The following CKAP5 variants were observed in gnomAD, a reference collection of about 807,000 sequenced individuals.
CKAP5 encodes the protein cytoskeleton-associated protein 5.
Under a neutral mutation model 232.8 loss-of-function variants are expected in CKAP5, and 27 were observed. The ratio of observed to expected loss-of-function variants is 0.12; its 90% confidence interval spans 0.09 to 0.16. The LOEUF (loss-of-function observed/expected upper bound fraction) is 0.16. Ranked by LOEUF, CKAP5 falls within the 10% of genes least tolerant of loss-of-function variation. The pLI is 1.00. For synonymous variants in CKAP5, 785 were observed against 841.1 expected (o/e 0.93, Z 1.16); for missense variants, 1,838 against 2,424.7 (o/e 0.76, Z 5.08).
intron 16 of CKAP5, among the ~76,000 whole-genome samples, chr11:46,786,813 GCA>G (rs376803389): frequency 1.3e-5 from 2 of 152,110 alleles, no homozygotes; most frequent in South Asian, 4.2e-4. Flanking sequence ...GACCCAGCGC[GCA>G]CACACACACA....
chr11:46,820,996 A>C, intron 2 of CKAP5, 179 bp downstream of exon 2: 2 of 534,102 alleles, frequency 3.7e-6, no homozygotes, highest in Non-Finnish European at 6.6e-6. Context: ...TCCAGAGACA[A>C]AAAAATTTTT....
At position 46,824,076 on chromosome 11, in the gene CKAP5, A is replaced by G. The variant is rs374242022; in HGVS notation, c.-37-2808T>C. Among the ~76,000 whole-genome samples the G allele has an allele frequency of 1.3e-3, 197 of 152,330 alleles. 9 individuals are homozygous for G. The South Asian group carries it at 0.039, about 30-fold the overall frequency. On this transcript the variant is annotated intron_variant, in intron 1 of 43. Coordinates refer to ENST00000529230, the MANE Select transcript of CKAP5 (RefSeq NM_001008938.4). ...CATTTTACACACTAGCTTCACAAAT[A>G]TTAAGTAACCTGCCAAAACAACAAA... is the stretch of plus-strand genomic sequence containing the variant.
chr11:46,746,586 A>G (rs2065024005), intron 42 of CKAP5, among the ~76,000 whole-genome samples: 1 of 152,220 alleles, frequency 6.6e-6, no homozygotes, highest in Admixed American at 6.5e-5. Flanking sequence ...GTATTTATGT[A>G]TCTAAACATA....
chr11:46,771,016 C>T, intron 24 of CKAP5, 34 bp from the exon 25 acceptor site: 1 of 1,556,648 alleles, frequency 6.4e-7, no homozygotes, highest in African/African-American at 1.4e-5. Context: ...TTACACACTT[C>T]AAATGAAGAC....
At chr11:46,817,985 G>A (rs538228035) in intron 3 of CKAP5, among the ~76,000 whole-genome samples, 3 of 152,226 alleles carry the variant, frequency 2.0e-5, no homozygotes, top group Admixed American at 6.5e-5. Flanking sequence ...CAATCTCTCA[G>A]TTTCTTTTTG....
At chr11:46,834,516 T>A (rs1385957040) in intron 1 of CKAP5, among the ~76,000 whole-genome samples, 6 of 88,678 alleles carry the variant, frequency 6.8e-5, no homozygotes, top group Admixed American at 5.1e-4. Context: ...CAAAACTCCA[T>A]CTCAAAAAAA....
At chr11:46,761,678 T>A (rs2134590465) in intron 32 of CKAP5, among the ~76,000 whole-genome samples, 1 of 152,342 alleles carries the variant, frequency 6.6e-6, no homozygotes. Flanking sequence ...AAAAACTCGA[T>A]GCAGTAAAAA....
chr11:46,799,003 A>G (rs1938964595), intron 9 of CKAP5, among the ~76,000 whole-genome samples: 4 of 152,200 alleles, frequency 2.6e-5, no homozygotes. Flanking sequence ...CCACTATGGC[A>G]GTGCTTCTCA....
At chr11:46,754,370 T>G (rs1335108901) in intron 36 of CKAP5, among the ~76,000 whole-genome samples, 1 of 152,208 alleles carries the variant, frequency 6.6e-6, no homozygotes, top group Non-Finnish European at 1.5e-5. Flanking sequence ...TTGGTGTCAT[T>G]AAGTCCACCC....
Position 46,790,569 on chromosome 11 carries a change from T to C in CKAP5, c.1665A>G (p.Pro555=). The change falls in exon 14 of 44, where the codon CCA becomes CCG. Residue 555 remains proline, a synonymous_variant. Transcript: ENST00000529230. ...CTGGTGCAGCTGGTTTCCCCTTTTT[T>C]GGTGGCCCACCAGCCTAAAAACAAT... ...KAPAAKAGGP[P]KKGKPAAPGG... The C allele has an allele frequency of 6.2e-7, 1 of 1,613,342 alleles. No homozygotes were observed. Among genetic ancestry groups the C allele is most frequent in the Non-Finnish European group, 8.5e-7 (1 of 1,179,294 alleles).
chr11:46,792,277 G>GCC (rs1938747848), intron 13 of CKAP5, among the ~76,000 whole-genome samples: 2 of 152,162 alleles, frequency 1.3e-5, no homozygotes, highest in South Asian at 4.1e-4. Flanking sequence ...TCGAGGCTGG[G>GCC]CATGGTGGCT....
In CKAP5 at chr11:46,798,160, T is replaced by C. The variant is rs555335700; in HGVS notation, c.1096A>G (p.Ile366Val). 14 of 1,613,436 alleles carry C rather than the reference T, an allele frequency of 8.7e-6. No homozygotes were observed. The South Asian group carries it at 1.2e-4, about 14-fold the overall frequency. ...TTCTTCTCTTTGAATTTCTCCAAGA[T>C]GGTTGGCACAACCTGTAAAAGTGAA... ...GQYAGHVVPTILEKFKEKKPQ... is the reference protein window; with the variant it reads ...GQYAGHVVPTVLEKFKEKKPQ... Residue 366 changes from isoleucine (I) to valine (V), a missense_variant, in exon 10 of 44, where the codon ATC becomes GTC. This residue lies in a region of CKAP5 where 97 missense variants were observed against 167.7 expected (regional missense o/e 0.58). Coordinates refer to ENST00000529230, the MANE Select transcript of CKAP5 (RefSeq NM_001008938.4).
chr11:46,829,671 T>C lies in CKAP5; in HGVS notation c.-37-8403A>G, dbSNP rs572359454. On this transcript the variant is annotated intron_variant, in intron 1 of 43. Transcript: ENST00000529230. The stretch of plus-strand genomic sequence containing the variant: ...AGGCTTCTGGTCAACAGTAGGCTAT[T>C]AGTAAAGTTTTGGGGGTGTCTAAAA... 1.2e-4 allele frequency among the ~76,000 whole-genome samples: 19 copies of C among 152,304 alleles called. 1 individual carries two copies. The South Asian group carries it at 3.9e-3, about 32-fold the overall frequency.
At position 46,778,236 on chromosome 11, in the gene CKAP5, A is replaced by G. The variant is rs774379053; in HGVS notation, c.2651T>C (p.Val884Ala). Reference sequence around the variant, plus strand: ...TTTTGCGTCATTAATAATACCTGCCACTTCATCTAGGCCTTCTTTCCTAAT... The same window carrying G: ...TTTTGCGTCATTAATAATACCTGCCGCTTCATCTAGGCCTTCTTTCCTAAT... ...WKIRKEGLDE[V>A]AGIINDAKFI... Residue 884 changes from valine (V) to alanine (A), a missense_variant, in exon 22 of 44, where the codon GTG (valine) becomes GCG (alanine). Val to Ala is a moderately conservative substitution (Grantham distance 64). Transcript: ENST00000529230. 3.7e-5 allele frequency: 60 copies of G among 1,613,566 alleles called. No individual in the cohort carries two copies. In the Middle Eastern group the frequency reaches 8.2e-4, roughly 22 times the overall value.
chr11:46,797,698 T>C (rs2057727299), intron 11 of CKAP5, 107 bp downstream of exon 11: 1 of 1,128,846 alleles, frequency 8.9e-7, no homozygotes, highest in South Asian at 1.6e-5. Flanking sequence ...CCTCAAAAGA[T>C]CATAACCTCT....
rs559241373 is a variant in CKAP5 at position 46,786,224 on chromosome 11, T to C, written c.1969-1551A>G. On this transcript the variant is annotated intron_variant, in intron 16 of 43. Transcript: ENST00000529230. ...TTAAAGAAAGGATGCTGAATTTTAGTAAGGACAGTGAGGTTTCTGGTGATT... is the reference window on the plus strand; with the variant it reads ...TTAAAGAAAGGATGCTGAATTTTAGCAAGGACAGTGAGGTTTCTGGTGATT... 2.7e-3 allele frequency among the ~76,000 whole-genome samples: 414 copies of C among 152,306 alleles called. 3 individuals carry two copies. The highest frequency in any genetic ancestry group is 9.2e-3 in the African/African-American group (381 of 41,574).
chr11:46,762,051 A>G lies in CKAP5; in HGVS notation c.4170T>C (p.Ile1390=). The G allele has an allele frequency of 1.2e-6, 2 of 1,614,210 alleles. No individual in the cohort carries two copies. Among genetic ancestry groups the G allele is most frequent in the Non-Finnish European group, 1.7e-6 (2 of 1,180,010 alleles). Residue 1390 remains isoleucine (I), a synonymous_variant, in exon 32 of 44, where the codon ATT becomes ATC. Transcript: ENST00000529230. ...NAVRNAALNT[I]VTVYNVHGDQ... ...CCCCATGTACATTGTACACCGTTAC[A>G]ATGGTGTTGAGTGCAGCATTGCGTA...
chr11:46,838,985 T>G lies in CKAP5; in HGVS notation c.-38+7235A>C, dbSNP rs373768565. Among the ~76,000 whole-genome samples, 20 of 152,216 alleles carry G rather than the reference T, an allele frequency of 1.3e-4. No homozygotes were observed. In the South Asian group the frequency reaches 3.9e-3, roughly 30 times the overall value. ...GCCAATTTTGTTCAACAAATATTTT[T>G]GACCACCTAGTTTGTTGCAGGCATT... On this transcript the variant is annotated intron_variant, in intron 1 of 43. Coordinates refer to ENST00000529230, the MANE Select transcript of CKAP5 (RefSeq NM_001008938.4).
intron 9 of CKAP5, among the ~76,000 whole-genome samples, chr11:46,800,329 T>A (rs980954344): frequency 6.6e-6 from 1 of 152,222 alleles, no homozygotes; most frequent in Non-Finnish European, 1.5e-5. Context: ...TTATTTTTAA[T>A]GCTATGAGTA....
Sources: gnomAD v4.1 joint callset for allele counts (sites outside exome capture counted in the v4.1 genomes callset) on GRCh38, gnomAD v4.1.1 for gene constraint, gnomAD v4.1.1 regional missense constraint, MANE v1.5 for transcripts, NCBI Gene and HGNC (gene_info 2026-07-23, HGNC 2026-07-21) for gene names.